Variants in EGFR observed in about 807,000 individuals in gnomAD.
EGFR encodes avian erythroblastic leukemia viral (v-erb-b) oncogene homolog.
A neutral mutation model predicts 143.0 loss-of-function variants in EGFR; 58 were observed. The ratio of observed to expected loss-of-function variants is 0.41; its 90% CI spans 0.33 to 0.50. The LOEUF is 0.50. Ranked by LOEUF, EGFR falls within the 20% of genes least tolerant of loss-of-function variation. The pLI is 0.39. For missense variants in EGFR, 1,307 were observed against 1,579.0 expected (o/e 0.83, Z 2.92); for synonymous variants, 613 against 594.4 (o/e 1.03, Z -0.45).
At chr7:55,059,793 G>A (rs2128878281) in intron 1 of EGFR, among the ~76,000 whole-genome samples, 1 of 152,262 alleles carries the variant, frequency 6.6e-6, no homozygotes, top group South Asian at 2.1e-4. Flanking sequence ...ATGAATGCAG[G>A]AAAAATCAAT....
In EGFR at chr7:55,206,852, A is replaced by G. The variant is rs112622335; in HGVS notation, c.*1235A>G. 232 of 233,240 alleles carry G rather than the reference A, an allele frequency of 9.9e-4. No individual in the cohort carries two copies. The highest frequency in any genetic ancestry group is 4.9e-3 in the African/African-American group (223 of 45,440). 14.4% of individuals were successfully genotyped at this position (233,240 alleles called of 1,614,324 possible). On this transcript the variant is annotated 3_prime_UTR_variant, in exon 28 of 28. Transcript: ENST00000275493. ...AAGCACTTACAGCTCTGGCCACAAC[A>G]GGGCATTTTACAGGTGCGAATGACA... is the stretch of plus-strand genomic sequence containing the variant.
chr7:55,162,543 A>G (rs1785761136), intron 13 of EGFR, among the ~76,000 whole-genome samples: 1 of 152,244 alleles, frequency 6.6e-6, no homozygotes, highest in Admixed American at 6.5e-5. Context: ...CTACAAATGG[A>G]CAGTGGTCTC....
Position 55,157,279 on chromosome 7 carries a change from T to G in EGFR, c.1208-384T>G, listed in dbSNP as rs549997694. ...GATTAGACCAAAATAACAAGACTGT[T>G]TTAAGGTTGGAATCAAATAAGGAAA... On this transcript the variant is annotated intron_variant, in intron 10 of 27. Coordinates refer to ENST00000275493, the MANE Select transcript of EGFR (RefSeq NM_005228.5). Among the ~76,000 whole-genome samples, 38 of 152,322 alleles carry G rather than the reference T, an allele frequency of 2.5e-4. No homozygotes were observed. In the South Asian group the frequency reaches 7.7e-3, roughly 31 times the overall value.
intron 23 of EGFR, among the ~76,000 whole-genome samples, chr7:55,199,149 C>G (rs1447368704): frequency 6.6e-6 from 1 of 152,212 alleles, no homozygotes; most frequent in South Asian, 2.1e-4. Flanking sequence ...CTGAGTTACT[C>G]AATGAAATAC....
intron 1 of EGFR, among the ~76,000 whole-genome samples, chr7:55,115,041 C>T (rs1000629141): frequency 2.7e-4 from 41 of 152,052 alleles, no homozygotes; most frequent in East Asian, 7.7e-4. Flanking sequence ...GCCACCGCGC[C>T]GGGCTAATTT....
At chr7:55,197,880 G>A (rs1174271732) in intron 22 of EGFR, among the ~76,000 whole-genome samples, 5 of 152,168 alleles carry the variant, frequency 3.3e-5, no homozygotes, top group Admixed American at 2.0e-4. Context: ...GCTTTTTGAT[G>A]TGCTGCTGGA....
intron 20 of EGFR, among the ~76,000 whole-genome samples, chr7:55,182,895 C>T (rs1230803703): frequency 6.6e-6 from 1 of 152,132 alleles, no homozygotes; most frequent in African/African-American, 2.4e-5. Context: ...GCCAGGGCCT[C>T]TTTTTATTGG....
chr7:55,152,685 C>T, intron 6 of EGFR, 21 bp downstream of exon 6: 1 of 1,604,562 alleles, frequency 6.2e-7, no homozygotes, highest in South Asian at 1.1e-5. Flanking sequence ...CCTCCAGCAG[C>T]CTCCCTGGAG....
intron 1 of EGFR, among the ~76,000 whole-genome samples, chr7:55,094,788 C>T (rs1210132811): frequency 1.3e-5 from 2 of 152,342 alleles, no homozygotes; most frequent in African/African-American, 4.8e-5. Context: ...TACATTTTCA[C>T]TTGTGTTTAC....
intron 1 of EGFR, among the ~76,000 whole-genome samples, chr7:55,099,493 T>C (rs1791675745): frequency 6.6e-6 from 1 of 152,248 alleles, no homozygotes; most frequent in Admixed American, 6.5e-5. Flanking sequence ...TTGAAATCGC[T>C]AAGCAGGACA....
At chr7:55,179,318 T>C (rs1786748035) in intron 19 of EGFR, among the ~76,000 whole-genome samples, 1 of 152,262 alleles carries the variant, frequency 6.6e-6, no homozygotes, top group Non-Finnish European at 1.5e-5. Context: ...TTCACCCTCT[T>C]GGCCTGGGGG....
chr7:55,121,130 A>G (rs17336219), intron 1 of EGFR, among the ~76,000 whole-genome samples: 174 of 152,332 alleles, frequency 1.1e-3, no homozygotes, highest in African/African-American at 3.5e-3. Flanking sequence ...GAAGTCTCCA[A>G]TTTAGCATGA....
chr7:55,163,671 A>G, intron 13 of EGFR, 62 bp from the exon 14 acceptor site: 2 of 1,429,042 alleles, frequency 1.4e-6, no homozygotes, highest in Non-Finnish European at 2.0e-6. Flanking sequence ...TGAAGAGGTG[A>G]TTTGTGTTCC....
At chr7:55,107,614 G>A (rs914852122) in intron 1 of EGFR, among the ~76,000 whole-genome samples, 1 of 152,206 alleles carries the variant, frequency 6.6e-6, no homozygotes, top group South Asian at 2.1e-4. Context: ...GCACTGCCCT[G>A]CCAGGCAGAG....
At chr7:55,042,703 A>T (rs1477863218) in intron 1 of EGFR, among the ~76,000 whole-genome samples, 1 of 152,148 alleles carries the variant, frequency 6.6e-6, no homozygotes, top group East Asian at 1.9e-4. Context: ...GACATAACAT[A>T]TAGGGGAATC....
At position 55,160,317 on chromosome 7, in the gene EGFR, A is replaced by G. The variant is rs1785633233; in HGVS notation, c.1477A>G (p.Asn493Asp). 6.2e-7 allele frequency: 1 copy of G among 1,613,506 alleles called. No individual in the cohort carries two copies. The highest frequency in any genetic ancestry group is 8.5e-7 in the Non-Finnish European group (1 of 1,179,964). ...CGGTCAGAAAACCAAAATTATAAGC[A>G]ACAGAGGTGAAAACAGCTGCAGTAA... Reference protein sequence around the residue: ...TSGQKTKIISNRGENSCKATG... With the variant: ...TSGQKTKIISDRGENSCKATG... Residue 493 changes from asparagine to aspartate, a missense_variant, in exon 12 of 28, where the codon AAC (asparagine) becomes GAC (aspartate). By Grantham distance (23) the Asn-to-Asp change is conservative. This residue lies in a region of EGFR where 250 missense variants were observed against 295.1 expected (regional missense o/e 0.85). Transcript: ENST00000275493.
intron 1 of EGFR, chr7:55,119,385 A>G (rs1348922054): frequency 6.6e-6 from 1 of 152,220 alleles, no homozygotes; most frequent in Non-Finnish European, 1.5e-5. Flanking sequence ...GGTTCCAGAA[A>G]CATATAGGGG....
intron 1 of EGFR, among the ~76,000 whole-genome samples, chr7:55,073,192 A>G (rs1789932921): frequency 6.6e-6 from 1 of 152,206 alleles, no homozygotes; most frequent in African/African-American, 2.4e-5. Context: ...AATTCAAACT[A>G]TGTGCCGGAT....
intron 1 of EGFR, among the ~76,000 whole-genome samples, chr7:55,111,113 T>G (rs1218272174): frequency 2.6e-5 from 4 of 152,208 alleles, no homozygotes; most frequent in African/African-American, 9.7e-5. Context: ...CTGACTGCAC[T>G]CTTCCCAAGA....
Sources: allele counts gnomAD v4.1 joint callset (sites outside exome capture counted in the v4.1 genomes callset), GRCh38; gene constraint gnomAD v4.1.1; regional missense constraint gnomAD v4.1.1; transcripts MANE v1.5; gene names NCBI Gene and HGNC (gene_info 2026-07-23, HGNC 2026-07-21).